Variants in SH3GLB2 observed in about 807,000 individuals in gnomAD.
SH3GLB2 encodes SH3 domain containing GRB2 like, endophilin B2, also known as endophilin-B2.
In SH3GLB2, 24 loss-of-function variants were observed where a neutral mutation model predicts 48.0. The observed-to-expected ratio is 0.50, with a 90% CI of 0.36 to 0.70. SH3GLB2 has a LOEUF of 0.70. Ranked by LOEUF, SH3GLB2 falls within the 30% of genes least tolerant of loss-of-function variation. SH3GLB2 has a pLI of 0.00. For missense variants in SH3GLB2, 425 were observed against 516.0 expected, an observed-to-expected ratio of 0.82 and a Z score of 1.71; for synonymous variants, 227 against 207.6, an observed-to-expected ratio of 1.09 and a Z score of -0.80.
rs375424229 is a variant in SH3GLB2 at position 129,010,086 on chromosome 9, G to T, written c.738+34C>A. 1.6e-5 allele frequency: 26 copies of T among 1,593,038 alleles called. 1 individual carries two copies. The South Asian group carries it at 2.9e-4, about 18-fold the overall frequency. On this transcript the variant is annotated intron_variant, in intron 8 of 10. Transcript: ENST00000372564. ...CAGGCACACCTGGTGCCTGCTGAGG[G>T]TTAGGTTTAGTGAGGGTGGGCAGTG...
chr9:129,012,855 C>G (rs77536976), intron 5 of SH3GLB2: 35 of 921,738 alleles, frequency 3.8e-5, no homozygotes, highest in African/African-American at 1.8e-4. Context: ...GGCATCCCCC[C>G]CTAAACCAGA....
chr9:129,025,631 C>T (rs17452575), intron 1 of SH3GLB2, among the ~76,000 whole-genome samples: 1 of 70,366 alleles, frequency 1.4e-5, no homozygotes, highest in African/African-American at 4.1e-5. Flanking sequence ...GGAAGGCAGG[C>T]AGGCAGGCAG....
intron 3 of SH3GLB2, among the ~76,000 whole-genome samples, chr9:129,020,297 G>A (rs560874868): frequency 1.1e-4 from 16 of 151,446 alleles, no homozygotes; most frequent in Admixed American, 4.6e-4. Flanking sequence ...GGCCAGGTGC[G>A]GTGGCTCACA....
In SH3GLB2 at chr9:129,010,931, T is replaced by C. The variant is rs940343887; in HGVS notation, c.625-238A>G. 1.4e-4 allele frequency: 83 copies of C among 581,468 alleles called. No individual in the cohort carries two copies. The Admixed American group carries it at 2.5e-3, about 18-fold the overall frequency. 36.0% of individuals were successfully genotyped at this position (581,468 alleles called of 1,614,324 possible). On this transcript the variant is annotated intron_variant, in intron 6 of 10. Coordinates refer to ENST00000372564, the MANE Select transcript of SH3GLB2 (RefSeq NM_020145.4). ...GGGAGCAGCCAGCAGGAGTCCTGCT[T>C]ATATTTCTCCTACAGTGTCAGCCCC...
chr9:129,028,042 GC>G, intron 1 of SH3GLB2, 49 bp downstream of exon 1: 1 of 1,481,026 alleles, frequency 6.8e-7, no homozygotes, highest in Admixed American at 2.2e-5. Context: ...GGTGCTCCCC[GC>G]CCGCCGCACA....
chr9:129,014,437 CCTT>C lies in SH3GLB2; in HGVS notation c.532_534del (p.Lys178del). 6.5e-7 allele frequency: 1 copy of C among 1,550,314 alleles called. No individual in the cohort carries two copies. The highest frequency in any genetic ancestry group is 2.4e-5 in the East Asian group (1 of 40,932). Reference sequence around the variant, plus strand: ...GTGGCTTTGGCTTCTGCAGCCTTGGCCTTCTTCAGCCTCGCTTTGCAGGCATCC... The same window carrying C: ...GTGGCTTTGGCTTCTGCAGCCTTGGCCTTCAGCCTCGCTTTGCAGGCATCC... On this transcript the variant is annotated inframe_deletion, in exon 5 of 11. Coordinates refer to ENST00000372564, the MANE Select transcript of SH3GLB2 (RefSeq NM_020145.4). The surrounding 1 kb of genome is among the most constrained non-coding windows in gnomAD (Gnocchi z 4.1).
chr9:129,010,291 G>C (rs532294558), intron 7 of SH3GLB2, 82 bp from the exon 8 acceptor site: 9 of 1,207,610 alleles, frequency 7.5e-6, no homozygotes, highest in Admixed American at 3.7e-5. Context: ...CTACCTGGGA[G>C]CCGCCTGTCC....
intron 1 of SH3GLB2, 82 bp downstream of exon 1, chr9:129,028,010 C>T: frequency 7.5e-7 from 1 of 1,336,858 alleles, no homozygotes; most frequent in Non-Finnish European, 9.9e-7. Flanking sequence ...GGCTTTCCCG[C>T]GTCCCCAGGC....
Position 129,014,280 on chromosome 9 carries a change from C to A in SH3GLB2, c.561+131G>T. 11 of 851,070 alleles carry A rather than the reference C, an allele frequency of 1.3e-5. No individual in the cohort carries two copies. Among genetic ancestry groups the A allele is most frequent in the South Asian group, 1.1e-4 (7 of 62,350 alleles). 52.7% of individuals were successfully genotyped at this position (851,070 alleles called of 1,614,324 possible). ...GGACAGAGAGGCTCAGCCCAGCAGC[C>A]CCCAGCCAGGCATCTCCAGCCAGGG... On this transcript the variant is annotated intron_variant, in intron 5 of 10. Coordinates refer to ENST00000372564, the MANE Select transcript of SH3GLB2 (RefSeq NM_020145.4). The surrounding 1 kb of genome is among the most constrained non-coding windows in gnomAD (Gnocchi z 4.1).
chr9:129,010,403 C>T, intron 7 of SH3GLB2, 194 bp from the exon 8 acceptor site: 4 of 640,686 alleles, frequency 6.2e-6, no homozygotes, highest in Non-Finnish European at 1.1e-5. Flanking sequence ...ACCCCACAGG[C>T]AGCTGCAGTG....
In SH3GLB2 at chr9:129,021,231, CA is replaced by C. The variant is rs778804252; in HGVS notation, c.206-13del. 1.9e-6 allele frequency: 3 copies of C among 1,594,402 alleles called. No individual in the cohort carries two copies. The highest frequency in any genetic ancestry group is 2.2e-4 in the Middle Eastern group (1 of 4,488). On this transcript the variant is annotated splice_polypyrimidine_tract_variant and intron_variant, in intron 2 of 10. Coordinates refer to ENST00000372564, the MANE Select transcript of SH3GLB2 (RefSeq NM_020145.4). ...CTCCACTCGGGCACCTGTGGGGAGA[CA>C]GCAGCCAAAGCCACAGGGCTCCTTA... is the stretch of plus-strand genomic sequence containing the variant.
At position 129,017,021 on chromosome 9, in the gene SH3GLB2, C is replaced by T. The variant is rs143283281; in HGVS notation, c.335-2117G>A. On this transcript the variant is annotated intron_variant, in intron 3 of 10. Transcript: ENST00000372564. ...GGAGTGCAGTGGCGCGCTCTTGGCT[C>T]GCTGCAACCTACGCCTCCCGGGTTC... Among the ~76,000 whole-genome samples, 174 of 147,406 alleles carry T rather than the reference C, an allele frequency of 1.2e-3. 1 individual carries two copies. Among genetic ancestry groups the T allele is most frequent in the African/African-American group, 4.3e-3 (168 of 39,502 alleles).
intron 2 of SH3GLB2, among the ~76,000 whole-genome samples, chr9:129,021,557 C>T (rs1021904012): frequency 1.3e-5 from 2 of 151,890 alleles, no homozygotes; most frequent in Non-Finnish European, 2.9e-5. Flanking sequence ...CCGGAGCCAC[C>T]CTCCTTTCCC....
chr9:129,014,930 G>A lies in SH3GLB2; in HGVS notation c.335-26C>T. On this transcript the variant is annotated intron_variant, in intron 3 of 10. Transcript: ENST00000372564. This position sits in a 1 kb window ranked among gnomAD's most constrained non-coding sequence, Gnocchi z 4.1. The stretch of plus-strand genomic sequence containing the variant: ...CTGAGAAAACAGAGTTGAAGCGTGA[G>A]GAAGAAGGTCAGGCTCAGGCTACTC... 1 of 1,608,566 alleles carries A rather than the reference G, an allele frequency of 6.2e-7. No individual in the cohort carries two copies. Among genetic ancestry groups the A allele is most frequent in the Non-Finnish European group, 8.5e-7 (1 of 1,177,070 alleles).
Position 129,009,176 on chromosome 9 carries a change from G to A in SH3GLB2, c.1010C>T (p.Thr337Ile), listed in dbSNP as rs1171792934. 6.2e-7 allele frequency: 1 copy of A among 1,612,022 alleles called. No homozygotes were observed. Among genetic ancestry groups the A allele is most frequent in the Admixed American group, 1.7e-5 (1 of 59,956 alleles). The change falls in exon 10 of 11, where the codon ACC becomes ATC. Residue 337 changes from threonine to isoleucine, a missense_variant. Coordinates refer to ENST00000372564, the MANE Select transcript of SH3GLB2 (RefSeq NM_020145.4). The part of the protein sequence containing the change: ...LEEVAPPASG[T>I]RKARVLYDYE... ...GTCATAGAGCACCCGAGCTTTGCGG[G>A]TCCCACTGGCAGGGGGGGCCACCTC...
chr9:129,014,813 T>G lies in SH3GLB2; in HGVS notation c.426A>C (p.Thr142=), dbSNP rs1843332399. 1.9e-6 allele frequency: 3 copies of G among 1,612,622 alleles called. No individual in the cohort carries two copies. Among genetic ancestry groups the G allele is most frequent in the Non-Finnish European group, 2.5e-6 (3 of 1,179,830 alleles). Residue 142 remains threonine (T), a synonymous_variant, in exon 4 of 11, where the codon ACA becomes ACC. Transcript: ENST00000372564. This position sits in a 1 kb window ranked among gnomAD's most constrained non-coding sequence, Gnocchi z 4.1. ...FIHTASISFL[T]PLRNFLEGDW... ...CCCCCTCCAGGAAGTTGCGCAAGGG[T>G]GTGAGGAAGCTGATGGAGGCCGTGT...
chr9:129,020,977 G>T, intron 3 of SH3GLB2, 114 bp downstream of exon 3: 1 of 1,160,506 alleles, frequency 8.6e-7, no homozygotes, highest in Non-Finnish European at 1.1e-6. Context: ...CATTTAGAAT[G>T]AATTCAGGTA....
In SH3GLB2 at chr9:129,014,160, G is replaced by A. The variant is rs1843287574; in HGVS notation, c.561+251C>T. The A allele has an allele frequency of 4.8e-6, 3 of 626,554 alleles. No homozygotes were observed. The African/African-American group carries it at 5.4e-5, about 11-fold the overall frequency. 38.8% of individuals were successfully genotyped at this position (626,554 alleles called of 1,614,324 possible). On this transcript the variant is annotated intron_variant, in intron 5 of 10. Transcript: ENST00000372564. This position sits in a 1 kb window ranked among gnomAD's most constrained non-coding sequence, Gnocchi z 4.1. ...GAGACTCCAGCTGCCTGGCGGGGTG[G>A]TGCACCCAGCTGGGGGCACTGCTGG...
intron 5 of SH3GLB2, chr9:129,013,948 G>A (rs538870064): frequency 3.3e-5 from 15 of 451,456 alleles, no homozygotes; most frequent in Non-Finnish European, 5.3e-5. Flanking sequence ...GGGACCCCTC[G>A]GACACGGCCC....
Sources: allele counts gnomAD v4.1 joint callset (sites outside exome capture counted in the v4.1 genomes callset), GRCh38; gene constraint gnomAD v4.1.1; non-coding constraint Gnocchi (gnomAD v3.1); transcripts MANE v1.5; gene names NCBI Gene and HGNC (gene_info 2026-07-23, HGNC 2026-07-21).